SMAD6: variants seen among roughly 807,000 people sequenced by gnomAD.
SMAD6 encodes SMAD family member 6.
In SMAD6, 103 loss-of-function variants were observed where a neutral mutation model predicts 39.4. The ratio of observed to expected loss-of-function variants is 2.62; its 90% CI spans 2.23 to 3.08. The LOEUF is 3.08. Among genes scored for constraint, SMAD6 ranks in the 30% most tolerant of loss-of-function variants. The pLI, the probability that SMAD6 is intolerant of heterozygous loss-of-function variation, is 0.00. For missense variants in SMAD6, 1,104 were observed against 742.9 expected, an observed-to-expected ratio of 1.49 and a Z score of -5.65; for synonymous variants, 445 against 353.3, an observed-to-expected ratio of 1.26 and a Z score of -2.91.
Position 66,703,566 on chromosome 15 carries a change from C to T in SMAD6, c.308C>T (p.Ser103Phe). 2 of 1,223,984 alleles carry T rather than the reference C, an allele frequency of 1.6e-6. No homozygotes were observed. Among genetic ancestry groups the T allele is most frequent in the East Asian group, 3.3e-5 (1 of 30,100 alleles). The allele number at this position is 1,223,984 out of a possible 1,614,324, so 75.8% of individuals were successfully genotyped here. A position where few individuals can be genotyped will look rare whatever the true frequency, so the allele number is the denominator to read the frequency against. Residue 103 changes from serine to phenylalanine, a missense_variant, in exon 1 of 4, where the codon TCC (serine) becomes TTC (phenylalanine). Physicochemically the swap from Ser to Phe is radical, Grantham distance 155 (BLOSUM62 -2). Transcript: ENST00000288840. ...GAGCCAGGGGCCGGCGCTGGGAGCT[C>T]CCTGCTGGACGTGGCGGAGCCGGGA... ...MSEPGAGAGS[S>F]LLDVAEPGGP...
At chr15:66,746,530 G>T (rs1024509194) in intron 3 of SMAD6, among the ~76,000 whole-genome samples, 2 of 152,180 alleles carry the variant, frequency 1.3e-5, no homozygotes, top group Non-Finnish European at 2.9e-5. Context: ...TCCTGGTGTT[G>T]GCCGTGGAGG....
chr15:66,721,837 G>T (rs935496413), intron 3 of SMAD6, among the ~76,000 whole-genome samples: 2 of 152,338 alleles, frequency 1.3e-5, no homozygotes, highest in East Asian at 3.9e-4. Context: ...ACAAGAGGCG[G>T]TCCAGAGGAA....
Position 66,781,624 on chromosome 15 carries a change from C to T in SMAD6, c.*89C>T. On this transcript the variant is annotated 3_prime_UTR_variant, in exon 4 of 4. Transcript: ENST00000288840. ...GGGGCCGATGCCCAGAGACACAGCC[C>T]CCACGGACAAAACCCCCCAGATATC... 2.1e-6 allele frequency: 2 copies of T among 940,082 alleles called. No homozygotes were observed. The highest frequency in any genetic ancestry group is 2.0e-5 in the South Asian group (1 of 49,326). 58.2% of individuals were successfully genotyped at this position (940,082 alleles called of 1,614,324 possible).
chr15:66,768,090 C>G (rs1433629234), intron 3 of SMAD6, among the ~76,000 whole-genome samples: 1 of 150,974 alleles, frequency 6.6e-6, no homozygotes, highest in Non-Finnish European at 1.5e-5. Context: ...CCACCTCAAC[C>G]TCTAGAGTAG....
At chr15:66,749,977 G>A (rs1233362203) in intron 3 of SMAD6, among the ~76,000 whole-genome samples, 1 of 152,176 alleles carries the variant, frequency 6.6e-6, no homozygotes, top group Non-Finnish European at 1.5e-5. Flanking sequence ...GCCCTGGCGA[G>A]GTTTTGTCCT....
In SMAD6 at chr15:66,782,558, T is replaced by C. The variant is rs1894597467; in HGVS notation, c.*1023T>C. On this transcript the variant is annotated 3_prime_UTR_variant, in exon 4 of 4. Transcript: ENST00000288840. ...TATTAATGATTTATGTAAAGGCAGA[T>C]GGTTTATTTCTACTTTGTGAAAGGG... 1 of 152,192 alleles carries C rather than the reference T, an allele frequency of 6.6e-6. No homozygotes were observed. Among genetic ancestry groups the C allele is most frequent in the Non-Finnish European group, 1.5e-5 (1 of 68,040 alleles). 9.4% of individuals were successfully genotyped at this position (152,192 alleles called of 1,614,324 possible).
At chr15:66,732,569 C>T (rs946336690) in intron 3 of SMAD6, among the ~76,000 whole-genome samples, 1 of 152,064 alleles carries the variant, frequency 6.6e-6, no homozygotes, top group Non-Finnish European at 1.5e-5. Flanking sequence ...GCTATGTTGC[C>T]GAGGCTGGTC....
At chr15:66,728,273 C>G (rs1338493015) in intron 3 of SMAD6, among the ~76,000 whole-genome samples, 1 of 152,244 alleles carries the variant, frequency 6.6e-6, no homozygotes, top group Non-Finnish European at 1.5e-5. Context: ...TCAGCTCTAT[C>G]CTGACTTCTA....
chr15:66,731,719 C>T (rs1470853253), intron 3 of SMAD6, among the ~76,000 whole-genome samples: 3 of 152,108 alleles, frequency 2.0e-5, no homozygotes, highest in Non-Finnish European at 4.4e-5. Flanking sequence ...ACATGGATTT[C>T]AGTTCACTTG....
chr15:66,781,766 G>A lies in SMAD6; in HGVS notation c.*231G>A. 1 of 400,756 alleles carries A rather than the reference G, an allele frequency of 2.5e-6. No homozygotes were observed. Among genetic ancestry groups the A allele is most frequent in the Non-Finnish European group, 4.4e-6 (1 of 227,512 alleles). The allele number at this position is 400,756 out of a possible 1,614,324, so 24.8% of individuals were successfully genotyped here. On this transcript the variant is annotated 3_prime_UTR_variant, in exon 4 of 4. Coordinates refer to ENST00000288840, the MANE Select transcript of SMAD6 (RefSeq NM_005585.5). ...TATGTATGGTGCAATGTGTGTATAT[G>A]GACAAAACAAGAAAGACGCACTTTG...
chr15:66,736,354 T>G (rs928569703), intron 3 of SMAD6, among the ~76,000 whole-genome samples: 1 of 152,224 alleles, frequency 6.6e-6, no homozygotes, highest in African/African-American at 2.4e-5. Flanking sequence ...TATCAGAAAC[T>G]CAGATTTTAA....
rs778673199 is a variant in SMAD6, at chr15:66,703,334, GGCA to G, written c.79_81del (p.Ser27del). On this transcript the variant is annotated inframe_deletion, in exon 1 of 4. Transcript: ENST00000288840. Reference sequence around the variant, plus strand: ...TGTGGTCCCCGACCGGGAGGAAGGCGGCAGCGGCGGCGGCGGTGGCGGCGACGA... The same window carrying G: ...TGTGGTCCCCGACCGGGAGGAAGGCGGCGGCGGCGGCGGTGGCGGCGACGA... The G allele has an allele frequency of 5.4e-6, 8 of 1,485,136 alleles. No individual in the cohort carries two copies. Among genetic ancestry groups the G allele is most frequent in the Non-Finnish European group, 7.2e-6 (8 of 1,116,880 alleles). 92.0% of individuals were successfully genotyped at this position (1,485,136 alleles called of 1,614,324 possible). A position where few individuals can be genotyped will look rare whatever the true frequency, so the allele number is the denominator to read the frequency against.
rs200857837 is a variant in SMAD6 at position 66,778,031 on chromosome 15, A to G, written c.953-2966A>G. 3.0e-4 allele frequency among the ~76,000 whole-genome samples: 45 copies of G among 149,182 alleles called. No individual in the cohort carries two copies. In the East Asian group the frequency reaches 6.5e-3, roughly 22 times the overall value. ...GGCTGGGGTGGAGGGAACTGAGAGG[A>G]GGGGGATAGGAAGTCCCACCTGTCC... On this transcript the variant is annotated intron_variant, in intron 3 of 3. Transcript: ENST00000288840.
At chr15:66,765,114 G>C (rs941790018) in intron 3 of SMAD6, among the ~76,000 whole-genome samples, 1 of 152,206 alleles carries the variant, frequency 6.6e-6, no homozygotes, top group Non-Finnish European at 1.5e-5. Flanking sequence ...CTGAGTTGCA[G>C]CCCTCACCCC....
chr15:66,703,575 A>G lies in SMAD6; in HGVS notation c.317A>G (p.Asp106Gly). 8.2e-7 allele frequency: 1 copy of G among 1,225,714 alleles called. No individual in the cohort carries two copies. The allele number at this position is 1,225,714 out of a possible 1,614,324, so 75.9% of individuals were successfully genotyped here. A position where few individuals can be genotyped will look rare whatever the true frequency, so the allele number is the denominator to read the frequency against. ...GCCGGCGCTGGGAGCTCCCTGCTGG[A>G]CGTGGCGGAGCCGGGAGGCCCGGGC... ...PGAGAGSSLL[D>G]VAEPGGPGWL... The change falls in exon 1 of 4, where the codon GAC becomes GGC. Residue 106 changes from aspartate to glycine, a missense_variant. Asp to Gly is a moderately conservative substitution (Grantham distance 94). Coordinates refer to ENST00000288840, the MANE Select transcript of SMAD6 (RefSeq NM_005585.5).
intron 3 of SMAD6, among the ~76,000 whole-genome samples, chr15:66,758,441 C>T (rs1385782901): frequency 6.6e-6 from 1 of 152,156 alleles, no homozygotes; most frequent in Admixed American, 6.5e-5. Flanking sequence ...GATAAACACT[C>T]TCAGGGCCAG....
At chr15:66,712,397 A>G (rs1893249152) in intron 2 of SMAD6, among the ~76,000 whole-genome samples, 2 of 152,182 alleles carry the variant, frequency 1.3e-5, no homozygotes, top group African/African-American at 4.8e-5. Context: ...TGGTTTCAAA[A>G]GTAGAGATTG....
In SMAD6 at chr15:66,778,274, G is replaced by T. The variant is rs140832833; in HGVS notation, c.953-2723G>T. ...TTTTAAAAGTTTTTTTAGAGATGAG[G>T]TCTTGCTTTGTTGCCCATGCTGGGC... is the stretch of plus-strand genomic sequence containing the variant. On this transcript the variant is annotated intron_variant, in intron 3 of 3. Coordinates refer to ENST00000288840, the MANE Select transcript of SMAD6 (RefSeq NM_005585.5). Among the ~76,000 whole-genome samples the T allele has an allele frequency of 3.9e-5, 6 of 152,202 alleles. No individual in the cohort carries two copies. The South Asian group carries it at 1.2e-3, about 32-fold the overall frequency.
chr15:66,760,237 C>CT (rs1483512467), intron 3 of SMAD6, among the ~76,000 whole-genome samples: 2 of 152,130 alleles, frequency 1.3e-5, no homozygotes, highest in Non-Finnish European at 2.9e-5. Context: ...CCCTTTCTTC[C>CT]TGTTGGACTT....
Sources: allele counts gnomAD v4.1 joint callset (sites outside exome capture counted in the v4.1 genomes callset), GRCh38; gene constraint gnomAD v4.1.1; transcripts MANE v1.5; gene names NCBI Gene and HGNC (gene_info 2026-07-23, HGNC 2026-07-21).